Variants in NACC2 observed in about 807,000 individuals in gnomAD.
NACC2 encodes nucleus accumbens-associated protein 2.
In NACC2, 8 loss-of-function variants were observed where a neutral mutation model predicts 25.1. That is an observed-to-expected ratio of 0.32 (90% CI 0.19 to 0.57). The LOEUF is 0.57. NACC2 is among the 20% of genes least tolerant of loss of function. The probability of loss-of-function intolerance (pLI) is 0.89; values close to 1 mark genes in which losing one functional copy is unlikely to be tolerated. For missense variants in NACC2, 644 were observed against 650.2 expected (o/e 0.99, Z 0.10); for synonymous variants, 435 against 294.7 (o/e 1.48, Z -4.88).
At chr9:136,030,901 G>A (rs1199225202) in intron 2 of NACC2, among the ~76,000 whole-genome samples, 3 of 152,050 alleles carry the variant, frequency 2.0e-5, no homozygotes, top group African/African-American at 7.2e-5. Flanking sequence ...AAGTTCAAGT[G>A]ATCTGCCCAC....
At chr9:136,037,183 A>G (rs1195352762) in intron 2 of NACC2, among the ~76,000 whole-genome samples, 1 of 152,204 alleles carries the variant, frequency 6.6e-6, no homozygotes, top group Admixed American at 6.5e-5. Flanking sequence ...GATGCCTTTT[A>G]TTTTATGCAA....
Position 136,008,326 on chromosome 9 carries a change from A to T in NACC2, c.*3190T>A, listed in dbSNP as rs1486661218. 1 of 152,332 alleles carries T rather than the reference A, an allele frequency of 6.6e-6. No individual in the cohort carries two copies. The highest frequency in any genetic ancestry group is 1.5e-5 in the Non-Finnish European group (1 of 68,146). 9.4% of individuals were successfully genotyped at this position (152,332 alleles called of 1,614,324 possible). On this transcript the variant is annotated 3_prime_UTR_variant, in exon 6 of 6. Transcript: ENST00000277554. ...TCCTGGGCCCATCCCCTTGGGGAAG[A>T]GGAAGGCAGGGCAGGAGAGGCGGCT...
rs1207957089 is a variant in NACC2, at chr9:136,086,778, G to T, written c.-60+8411C>A. The stretch of plus-strand genomic sequence containing the variant: ...GGGCCTGGAGCTGGCCAGCTGCACT[G>T]GTTTCACGCCCATCCAGGTGCCATC... On this transcript the variant is annotated intron_variant, in intron 1 of 5. Coordinates refer to ENST00000277554, the MANE Select transcript of NACC2 (RefSeq NM_144653.5). The surrounding 1 kb of genome is among the most constrained non-coding windows in gnomAD (Gnocchi z 5.6). Among the ~76,000 whole-genome samples the T allele has an allele frequency of 6.6e-6, 1 of 152,166 alleles. No homozygotes were observed. The highest frequency in any genetic ancestry group is 1.9e-4 in the East Asian group (1 of 5,184).
intron 2 of NACC2, among the ~76,000 whole-genome samples, chr9:136,017,676 C>A (rs550760564): frequency 2.0e-5 from 3 of 152,342 alleles, no homozygotes; most frequent in Admixed American, 1.3e-4. Flanking sequence ...CCTCACACCC[C>A]AGCCTGGTAG....
rs1840115163 is a variant in NACC2, at chr9:136,011,835, T to G, written c.1445A>C (p.Glu482Ala). The G allele has an allele frequency of 1.3e-6, 2 of 1,565,680 alleles. No individual in the cohort carries two copies. The highest frequency in any genetic ancestry group is 1.2e-5 in the South Asian group (1 of 86,382). The change falls in exon 6 of 6, where the codon GAG (glutamate) becomes GCG (alanine). Residue 482 changes from glutamate (E) to alanine (A), a missense_variant. Coordinates refer to ENST00000277554, the MANE Select transcript of NACC2 (RefSeq NM_144653.5). ...CACCTGTGCCGCGGCAGGCGGGAAC[T>G]CGGGGTCGAGGGGCACGCTGGCGGC... ...SAAASVPLDP[E>A]FPPAAAQVFE...
intron 1 of NACC2, among the ~76,000 whole-genome samples, chr9:136,077,064 C>T (rs1830270853): frequency 2.0e-5 from 3 of 151,848 alleles, no homozygotes; most frequent in Admixed American, 6.6e-5. Context: ...CCTGTAGTCC[C>T]AGCCACTTGG....
intron 1 of NACC2, among the ~76,000 whole-genome samples, chr9:136,074,448 G>A (rs1350310734): frequency 5.5e-3 from 264 of 48,324 alleles, no homozygotes; most frequent in African/African-American, 0.011. Context: ...GCAAGACTCC[G>A]TCTCAAAAAA....
rs558698048 is a variant in NACC2 at position 136,037,553 on chromosome 9, G to A, written c.886+12083C>T. ...GACAGAGTCTAGCTCTGTCACTCAG[G>A]CTGGAGTACAGTGGTGCAATCTCAG... On this transcript the variant is annotated intron_variant, in intron 2 of 5. Transcript: ENST00000277554. 1.8e-3 allele frequency among the ~76,000 whole-genome samples: 273 copies of A among 151,058 alleles called. 2 individuals are homozygous for A. Among genetic ancestry groups the A allele is most frequent in the Non-Finnish European group, 3.2e-3 (214 of 67,840 alleles).
intron 1 of NACC2, among the ~76,000 whole-genome samples, chr9:136,056,267 T>C (rs1265061465): frequency 6.6e-6 from 1 of 152,224 alleles, no homozygotes; most frequent in African/African-American, 2.4e-5. Context: ...GCCTGGCTGC[T>C]AATGGAACCA....
chr9:136,053,741 A>C (rs1840883498), intron 1 of NACC2, among the ~76,000 whole-genome samples: 1 of 152,204 alleles, frequency 6.6e-6, no homozygotes, highest in South Asian at 2.1e-4. Context: ...GTTGTGGGCA[A>C]CTTCGCCCCA....
chr9:136,016,365 G>A lies in NACC2; in HGVS notation c.951C>T (p.Leu317=), dbSNP rs149765167. Residue 317 remains leucine (L), a synonymous_variant, in exon 3 of 6, where the codon CTC becomes CTT. Transcript: ENST00000277554. The part of the protein sequence containing the change: ...SRSCVLIRRD[L]VALPASLISQ... ...TGATGAGGCTGGCAGGTAGGGCCAC[G>A]AGGTCGCGGCGGATGAGGACGCAGG... 2.2e-5 allele frequency: 35 copies of A among 1,611,890 alleles called. No homozygotes were observed. Among genetic ancestry groups the A allele is most frequent in the African/African-American group, 4.0e-5 (3 of 74,898 alleles).
At chr9:136,045,976 G>A (rs1018332096) in intron 2 of NACC2, among the ~76,000 whole-genome samples, 4 of 152,232 alleles carry the variant, frequency 2.6e-5, no homozygotes, top group Admixed American at 6.5e-5. Context: ...CCTGCTGGAC[G>A]TTCAGATGCC....
intron 1 of NACC2, among the ~76,000 whole-genome samples, chr9:136,081,754 C>T (rs904776688): frequency 7.9e-5 from 12 of 152,134 alleles, no homozygotes; most frequent in East Asian, 1.9e-4. Flanking sequence ...CACCAAGTGG[C>T]GGCAGCAGCT....
At chr9:136,076,358 C>T (rs1431523933) in intron 1 of NACC2, among the ~76,000 whole-genome samples, 1 of 152,076 alleles carries the variant, frequency 6.6e-6, no homozygotes, top group Non-Finnish European at 1.5e-5. Flanking sequence ...CTGCCCATAC[C>T]ACGACAAAAA....
intron 1 of NACC2, among the ~76,000 whole-genome samples, chr9:136,060,773 TC>T (rs1445831589): frequency 6.6e-6 from 1 of 152,166 alleles, no homozygotes; most frequent in African/African-American, 2.4e-5. Flanking sequence ...CCTGGGCACG[TC>T]CCCACCAGCC....
intron 1 of NACC2, among the ~76,000 whole-genome samples, chr9:136,077,335 A>G (rs969496013): frequency 2.0e-5 from 3 of 152,218 alleles, no homozygotes; most frequent in African/African-American, 7.2e-5. Flanking sequence ...GTCTCAAAAA[A>G]CAAAACAAAA....
At chr9:136,093,950 G>A (rs577515186) in intron 1 of NACC2, among the ~76,000 whole-genome samples, 1 of 152,334 alleles carries the variant, frequency 6.6e-6, no homozygotes, top group South Asian at 2.1e-4. Flanking sequence ...AAGGAGGTCA[G>A]GAGCCTGCCA....
intron 2 of NACC2, among the ~76,000 whole-genome samples, chr9:136,025,334 C>G (rs886641005): frequency 6.6e-6 from 1 of 152,120 alleles, no homozygotes; most frequent in African/African-American, 2.4e-5. Flanking sequence ...CGATGTCCGG[C>G]CGTCCATAAG....
At chr9:136,092,238 G>A (rs1051840678) in intron 1 of NACC2, among the ~76,000 whole-genome samples, 2 of 152,186 alleles carry the variant, frequency 1.3e-5, no homozygotes, top group South Asian at 2.1e-4. Flanking sequence ...AGGGCACTTC[G>A]GGGAAGGCCC....
Sources: allele counts gnomAD v4.1 joint callset (sites outside exome capture counted in the v4.1 genomes callset), GRCh38; gene constraint gnomAD v4.1.1; non-coding constraint Gnocchi (gnomAD v3.1); transcripts MANE v1.5; gene names NCBI Gene and HGNC (gene_info 2026-07-23, HGNC 2026-07-21).